Variants in CACNA2D1 observed in about 807,000 individuals in gnomAD.
CACNA2D1 encodes the protein voltage-dependent calcium channel subunit alpha-2/delta-1.
CACNA2D1 carries 53 observed loss-of-function variants against 171.5 expected under a neutral mutation model. The ratio of observed to expected loss-of-function variants is 0.31; its 90% CI spans 0.25 to 0.39. The LOEUF (loss-of-function observed/expected upper bound fraction) is 0.39. Ranked by LOEUF, CACNA2D1 falls within the 10% of genes least tolerant of loss-of-function variation. The probability of loss-of-function intolerance (pLI) is 1.00; values close to 1 mark genes in which losing one functional copy is unlikely to be tolerated. For missense variants in CACNA2D1, 903 were observed against 1,299.8 expected, an observed-to-expected ratio of 0.69 and a Z score of 4.69; for synonymous variants, 442 against 443.1, an observed-to-expected ratio of 1.00 and a Z score of 0.03.
intron 9 of CACNA2D1, among the ~76,000 whole-genome samples, chr7:82,062,925 G>C (rs898420735): frequency 6.6e-6 from 1 of 151,298 alleles, no homozygotes; most frequent in African/African-American, 2.4e-5. Flanking sequence ...TTTTGTATTT[G>C]TTGTAGAAAT....
chr7:81,989,439 C>T (rs1584309831), intron 21 of CACNA2D1, among the ~76,000 whole-genome samples: 1 of 152,140 alleles, frequency 6.6e-6, no homozygotes, highest in East Asian at 1.9e-4. Flanking sequence ...GTTATGTACT[C>T]TAATAGTGGG....
chr7:81,977,127 G>T (rs900101942), intron 24 of CACNA2D1, among the ~76,000 whole-genome samples: 3 of 152,118 alleles, frequency 2.0e-5, no homozygotes, highest in African/African-American at 7.2e-5. Context: ...CTTGTCTTGT[G>T]CCTTTTTCAA....
intron 7 of CACNA2D1, among the ~76,000 whole-genome samples, chr7:82,076,763 G>GAATTCT (rs1809017495): frequency 6.6e-6 from 1 of 152,036 alleles, no homozygotes; most frequent in African/African-American, 2.4e-5. Context: ...TGACATTCAA[G>GAATTCT]GCGACATATT....
intron 3 of CACNA2D1, among the ~76,000 whole-genome samples, chr7:82,323,648 C>A (rs1413121057): frequency 6.6e-6 from 1 of 152,200 alleles, no homozygotes; most frequent in African/African-American, 2.4e-5. Context: ...CTAGGCTCTA[C>A]AAATTGTGTA....
intron 8 of CACNA2D1, among the ~76,000 whole-genome samples, chr7:82,065,761 T>A (rs539011201): frequency 2.5e-4 from 38 of 152,206 alleles, no homozygotes; most frequent in Non-Finnish European, 3.8e-4. Context: ...TCTTTTCTCA[T>A]GAATATGTAC....
chr7:81,999,339 CAA>C (rs1257017647), intron 18 of CACNA2D1, among the ~76,000 whole-genome samples: 1 of 152,024 alleles, frequency 6.6e-6, no homozygotes, highest in African/African-American at 2.4e-5. Context: ...AAGAAAGCAC[CAA>C]GAGAGGCTGA....
intron 1 of CACNA2D1, among the ~76,000 whole-genome samples, chr7:82,374,717 T>C (rs551081951): frequency 6.6e-5 from 10 of 151,694 alleles, no homozygotes; most frequent in Non-Finnish European, 1.2e-4. Flanking sequence ...TTAAATTTTG[T>C]TGGTAAAAAC....
chr7:82,270,942 A>C (rs967380238), intron 3 of CACNA2D1, among the ~76,000 whole-genome samples: 19 of 152,114 alleles, frequency 1.2e-4, no homozygotes, highest in Non-Finnish European at 7.4e-5. Flanking sequence ...TTATTTAACT[A>C]CAAACTACTT....
At chr7:82,159,087 G>A (rs186474494) in intron 4 of CACNA2D1, among the ~76,000 whole-genome samples, 13 of 151,842 alleles carry the variant, frequency 8.6e-5, no homozygotes, top group Admixed American at 2.6e-4. Context: ...AGGTATCTAG[G>A]GGATAATCAG....
chr7:82,165,520 A>G (rs982228015), intron 4 of CACNA2D1, among the ~76,000 whole-genome samples: 1 of 152,044 alleles, frequency 6.6e-6, no homozygotes, highest in Admixed American at 6.6e-5. Flanking sequence ...CACCCAGCAT[A>G]ACTAACAATT....
intron 3 of CACNA2D1, among the ~76,000 whole-genome samples, chr7:82,261,250 C>T (rs142375664): frequency 1.6e-3 from 239 of 152,342 alleles, no homozygotes; most frequent in Middle Eastern, 0.01. Context: ...CCGCCGCACC[C>T]GGCCTGGACC....
chr7:81,955,213 CTACCGGG>C (rs1232693424), intron 38 of CACNA2D1, among the ~76,000 whole-genome samples: 1 of 152,214 alleles, frequency 6.6e-6, no homozygotes, highest in Non-Finnish European at 1.5e-5. Flanking sequence ...CTTCCGGACT[CTACCGGG>C]TATAAGGGCC....
chr7:82,342,843 A>G (rs529504417), intron 2 of CACNA2D1, among the ~76,000 whole-genome samples: 1 of 152,224 alleles, frequency 6.6e-6, no homozygotes, highest in East Asian at 1.9e-4. Flanking sequence ...CATAATTATG[A>G]AGGATGGTAA....
chr7:82,395,807 C>T (rs932244461), intron 1 of CACNA2D1, among the ~76,000 whole-genome samples: 3 of 152,042 alleles, frequency 2.0e-5, no homozygotes, highest in Non-Finnish European at 2.9e-5. Context: ...TATTTTCTAG[C>T]ATAAAGAACA....
At position 82,300,856 on chromosome 7, in the gene CACNA2D1, T is replaced by C. The variant is rs139132822; in HGVS notation, c.294+34279A>G. Among the ~76,000 whole-genome samples, 545 of 152,222 alleles carry C rather than the reference T, an allele frequency of 3.6e-3. 2 individuals are homozygous for C. Among genetic ancestry groups the C allele is most frequent in the Non-Finnish European group, 6.6e-3 (446 of 68,000 alleles). On this transcript the variant is annotated intron_variant, in intron 3 of 38. Transcript: ENST00000356860. ...AATTAAAATATGCGTGAAACTGATA[T>C]AGTCTCATTTTTCAAAACAGTCTGA...
chr7:82,229,180 G>A lies in CACNA2D1; in HGVS notation c.295-58571C>T, dbSNP rs115582318. ...AGTCTAGTAGATATGGGTTTACTAG[G>A]TAGCTTCTTACAGTGTAACTCCTTT... is the stretch of plus-strand genomic sequence containing the variant. On this transcript the variant is annotated intron_variant, in intron 3 of 38. Transcript: ENST00000356860. Among the ~76,000 whole-genome samples the A allele has an allele frequency of 6.2e-3, 944 of 152,084 alleles. 11 individuals carry two copies. Among genetic ancestry groups the A allele is most frequent in the African/African-American group, 0.022 (899 of 41,504 alleles).
At chr7:82,067,527 TTTC>T (rs767081227) in intron 7 of CACNA2D1, among the ~76,000 whole-genome samples, 1 of 152,180 alleles carries the variant, frequency 6.6e-6, no homozygotes, top group East Asian at 1.9e-4. Context: ...GTGAAATTTT[TTTC>T]TTATTAGTAG....
chr7:82,329,527 C>T (rs1474700297), intron 3 of CACNA2D1, among the ~76,000 whole-genome samples: 3 of 152,112 alleles, frequency 2.0e-5, no homozygotes, highest in Non-Finnish European at 4.4e-5. Context: ...CTCCATCTCT[C>T]AGAAGGCCGC....
intron 3 of CACNA2D1, among the ~76,000 whole-genome samples, chr7:82,321,269 C>A (rs1253192571): frequency 6.6e-6 from 1 of 151,874 alleles, no homozygotes; most frequent in Non-Finnish European, 1.5e-5. Flanking sequence ...CATGGTGGTG[C>A]GCGCTTGTAA....
Sources: allele counts gnomAD v4.1 joint callset (sites outside exome capture counted in the v4.1 genomes callset), GRCh38; gene constraint gnomAD v4.1.1; transcripts MANE v1.5; gene names NCBI Gene and HGNC (gene_info 2026-07-23, HGNC 2026-07-21).